Variants in EDEM1 observed in about 807,000 individuals in gnomAD.
EDEM1 encodes the protein ER degradation-enhancing alpha-mannosidase-like protein 1.
Under a neutral mutation model 74.4 loss-of-function variants are expected in EDEM1, and 67 were observed. The ratio of observed to expected loss-of-function variants is 0.90; its 90% CI spans 0.74 to 1.10. EDEM1 has a LOEUF of 1.10. Ranked by LOEUF, EDEM1 falls within the 50% of genes least tolerant of loss-of-function variation. The pLI, the probability that EDEM1 is intolerant of heterozygous loss-of-function variation, is 0.00. For missense variants in EDEM1, 926 were observed against 851.6 expected, an observed-to-expected ratio of 1.09 and a Z score of -1.09; for synonymous variants, 382 against 335.9, an observed-to-expected ratio of 1.14 and a Z score of -1.50.
chr3:5,187,848 C>G lies in EDEM1; in HGVS notation c.43C>G (p.Leu15Val). ...CGTCCTGGGGCTGGTGCTCCTCCGG[C>G]TTGGCCTCCATGGAGTATTGTGGCT... is the stretch of plus-strand genomic sequence containing the variant. Reference protein sequence around the residue: ...ALVLGLVLLRLGLHGVLWLVF... With the variant: ...ALVLGLVLLRVGLHGVLWLVF... Residue 15 changes from leucine to valine, a missense_variant, in exon 1 of 12, where the codon CTT becomes GTT. Coordinates refer to ENST00000256497, the MANE Select transcript of EDEM1 (RefSeq NM_014674.3). 6.3e-7 allele frequency: 1 copy of G among 1,593,108 alleles called. No individual in the cohort carries two copies. The highest frequency in any genetic ancestry group is 8.5e-7 in the Non-Finnish European group (1 of 1,171,190).
At chr3:5,211,550 C>T (rs2055168331) in intron 10 of EDEM1, 2 of 306,086 alleles carry the variant, frequency 6.5e-6, no homozygotes, top group Non-Finnish European at 1.3e-5. Flanking sequence ...GAGCTGTGTT[C>T]ATAATGGCTT....
Position 5,213,425 on chromosome 3 carries a change from A to G in EDEM1, c.1787A>G (p.Lys596Arg). The G allele has an allele frequency of 6.2e-7, 1 of 1,614,222 alleles. No individual in the cohort carries two copies. The highest frequency in any genetic ancestry group is 8.5e-7 in the Non-Finnish European group (1 of 1,180,036). ...VDEHLRELPW[K>R]EFFSEEGGQD... Reference sequence around the variant, plus strand: ...GAGCATCTTCGGGAATTGCCATGGAAGGAATTCTTCTCTGAAGAGGGAGGG... The same window carrying G: ...GAGCATCTTCGGGAATTGCCATGGAGGGAATTCTTCTCTGAAGAGGGAGGG... Residue 596 changes from lysine (K) to arginine (R), a missense_variant, in exon 11 of 12, where the codon AAG becomes AGG. By Grantham distance (26) the Lys-to-Arg change is conservative (BLOSUM62 2). Transcript: ENST00000256497.
At chr3:5,189,933 A>T (rs1241432507) in intron 1 of EDEM1, among the ~76,000 whole-genome samples, 6 of 150,326 alleles carry the variant, frequency 4.0e-5, no homozygotes, top group African/African-American at 7.5e-5. Context: ...TGAATGAATT[A>T]TTTGGCTCAC....
intron 5 of EDEM1, among the ~76,000 whole-genome samples, chr3:5,204,201 C>T (rs1205506906): frequency 6.6e-6 from 1 of 152,064 alleles, no homozygotes; most frequent in East Asian, 1.9e-4. Context: ...TTCCATAGAC[C>T]CTTTCAGCCT....
intron 10 of EDEM1, among the ~76,000 whole-genome samples, chr3:5,212,770 T>A (rs60631872): frequency 0.016 from 2,490 of 152,290 alleles, 84 homozygotes; most frequent in African/African-American, 0.057. Flanking sequence ...ACATGCACCA[T>A]TGAGGGAAAG....
chr3:5,204,794 A>G (rs1048159455), intron 5 of EDEM1, among the ~76,000 whole-genome samples: 1 of 152,228 alleles, frequency 6.6e-6, no homozygotes, highest in Non-Finnish European at 1.5e-5. Flanking sequence ...TGCATCGTCA[A>G]TCTGGAAAAG....
At chr3:5,202,009 G>T (rs2055040731) in intron 4 of EDEM1, 85 bp downstream of exon 4, 1 of 1,471,426 alleles carries the variant, frequency 6.8e-7, no homozygotes, top group Non-Finnish European at 9.1e-7. Flanking sequence ...TTATTTGGGA[G>T]AAGGAATGGG....
intron 5 of EDEM1, among the ~76,000 whole-genome samples, chr3:5,204,431 T>A (rs531481964): frequency 6.6e-6 from 1 of 152,094 alleles, no homozygotes; most frequent in Admixed American, 6.5e-5. Flanking sequence ...TGGACGGCAG[T>A]GGCACAGTCT....
At position 5,206,054 on chromosome 3, in the gene EDEM1, T is replaced by C. The variant is rs1293474250; in HGVS notation, c.1217+813T>C. 3.3e-5 allele frequency among the ~76,000 whole-genome samples: 5 copies of C among 152,266 alleles called. No homozygotes were observed. The South Asian group carries it at 1.0e-3, about 32-fold the overall frequency. Reference sequence around the variant, plus strand: ...TGTTAGGATTGGTTTTTATACTTGGTGATAGAAAGGACAGTTACCACATTT... The same window carrying C: ...TGTTAGGATTGGTTTTTATACTTGGCGATAGAAAGGACAGTTACCACATTT... On this transcript the variant is annotated intron_variant, in intron 6 of 11. Transcript: ENST00000256497.
intron 2 of EDEM1, among the ~76,000 whole-genome samples, chr3:5,198,291 C>T (rs906596710): frequency 1.3e-5 from 2 of 152,168 alleles, no homozygotes; most frequent in Admixed American, 6.5e-5. Context: ...TGAAGTGATC[C>T]GCTCGCTTTG....
Position 5,213,225 on chromosome 3 carries a change from A to C in EDEM1, c.1681-94A>C, listed in dbSNP as rs769592080. 6.2e-6 allele frequency: 8 copies of C among 1,291,614 alleles called. No individual in the cohort carries two copies. In the South Asian group the frequency reaches 1.2e-4, roughly 19 times the overall value. 80.0% of individuals were successfully genotyped at this position (1,291,614 alleles called of 1,614,324 possible). On this transcript the variant is annotated intron_variant, in intron 10 of 11. Transcript: ENST00000256497. ...CACTGAGAAGCATGAGGCCCAAGCA[A>C]ATTCTACTCCCTGAGTAGCTGGGAC...
chr3:5,206,394 G>C (rs2106602216), intron 6 of EDEM1, among the ~76,000 whole-genome samples: 1 of 152,210 alleles, frequency 6.6e-6, no homozygotes, highest in South Asian at 2.1e-4. Flanking sequence ...TTTTAGTAGA[G>C]ATGGGGTTTC....
At chr3:5,211,337 C>T in intron 10 of EDEM1, 121 bp downstream of exon 10, 1 of 960,952 alleles carries the variant, frequency 1.0e-6, no homozygotes, top group Non-Finnish European at 1.6e-6. Context: ...TGTGCATTCC[C>T]AGGATGCAAA....
rs374847072 is a variant in EDEM1, at chr3:5,209,638, C to T, written c.1510-537C>T. 5.9e-5 allele frequency among the ~76,000 whole-genome samples: 9 copies of T among 152,244 alleles called. No homozygotes were observed. The South Asian group carries it at 6.2e-4, about 11-fold the overall frequency. The stretch of plus-strand genomic sequence containing the variant: ...AGAAGTTTTTCTCTAGTAAAACCAT[C>T]TAAGAGTATGTGTGAGAAGAGTAGG... On this transcript the variant is annotated intron_variant, in intron 8 of 11. Transcript: ENST00000256497.
chr3:5,219,750 C>G lies in EDEM1; in HGVS notation c.*3832C>G, dbSNP rs985276572. On this transcript the variant is annotated 3_prime_UTR_variant, in exon 12 of 12. Coordinates refer to ENST00000256497, the MANE Select transcript of EDEM1 (RefSeq NM_014674.3). ...CTCTGGGAAAACTTACGGAAATACA[C>G]AAATGCTTCTCTGTAATGTGCAATA... The G allele has an allele frequency of 6.6e-6, 1 of 152,530 alleles. No homozygotes were observed. Among genetic ancestry groups the G allele is most frequent in the Non-Finnish European group, 1.5e-5 (1 of 68,002 alleles). The allele number at this position is 152,530 out of a possible 1,614,324, so 9.4% of individuals were successfully genotyped here.
intron 11 of EDEM1, among the ~76,000 whole-genome samples, chr3:5,214,798 A>C (rs1432038733): frequency 1.3e-5 from 2 of 152,106 alleles, no homozygotes; most frequent in Non-Finnish European, 2.9e-5. Context: ...TCACTAATAG[A>C]TCTGATCCCA....
intron 1 of EDEM1, among the ~76,000 whole-genome samples, chr3:5,192,877 C>T (rs1387810829): frequency 1.3e-5 from 2 of 151,062 alleles, no homozygotes; most frequent in African/African-American, 4.9e-5. Context: ...GAGGATTTGT[C>T]TGACTAGAGT....
At chr3:5,193,667 G>A (rs904200890) in intron 1 of EDEM1, among the ~76,000 whole-genome samples, 3 of 151,534 alleles carry the variant, frequency 2.0e-5, no homozygotes, top group African/African-American at 2.4e-5. Context: ...GCATGATCTC[G>A]GCTCACCGCA....
intron 9 of EDEM1, among the ~76,000 whole-genome samples, chr3:5,210,756 C>T (rs1248034724): frequency 6.6e-6 from 1 of 151,446 alleles, no homozygotes; most frequent in South Asian, 2.1e-4. Flanking sequence ...AGTCAATACT[C>T]AAATAATAAG....
Sources: gnomAD v4.1 joint callset for allele counts (sites outside exome capture counted in the v4.1 genomes callset) on GRCh38, gnomAD v4.1.1 for gene constraint, MANE v1.5 for transcripts, NCBI Gene and HGNC (gene_info 2026-07-23, HGNC 2026-07-21) for gene names.